USP5: variants seen among roughly 807,000 people sequenced by gnomAD.
The protein encoded by USP5 is ubiquitin carboxyl-terminal hydrolase 5.
In USP5, 24 loss-of-function variants were observed where a neutral mutation model predicts 102.5. That is an observed-to-expected ratio of 0.23 (90% CI 0.17 to 0.33). USP5 has a LOEUF of 0.33. USP5 is among the 10% of genes least tolerant of loss of function. USP5 has a pLI of 1.00. For missense variants in USP5, 753 were observed against 1,122.1 expected (o/e 0.67, Z 4.70); for synonymous variants, 460 against 434.8 (o/e 1.06, Z -0.72).
Position 6,858,962 on chromosome 12 carries a change from T to C in USP5, c.1058+345T>C, listed in dbSNP as rs782099266. The C allele has an allele frequency of 2.8e-5, 7 of 252,930 alleles. No individual in the cohort carries two copies. The South Asian group carries it at 3.8e-4, about 14-fold the overall frequency. The allele number at this position is 252,930 out of a possible 1,614,324, so 15.7% of individuals were successfully genotyped here. A position where few individuals can be genotyped will look rare whatever the true frequency, so the allele number is the denominator to read the frequency against. ...CACCCCAACACACAAACCCCACTGA[T>C]AGTGCAGAGTGCCAAGTCCCAGGGC... is the stretch of plus-strand genomic sequence containing the variant. On this transcript the variant is annotated intron_variant, in intron 8 of 19. Coordinates refer to ENST00000229268, the MANE Select transcript of USP5 (RefSeq NM_001098536.2). This position sits in a 1 kb window ranked among gnomAD's most constrained non-coding sequence, Gnocchi z 4.2.
At position 6,860,804 on chromosome 12, in the gene USP5, G is replaced by T; in HGVS notation, c.1345-149G>T. On this transcript the variant is annotated intron_variant, in intron 11 of 19. Coordinates refer to ENST00000229268, the MANE Select transcript of USP5 (RefSeq NM_001098536.2). The surrounding 1 kb of genome is among the most constrained non-coding windows in gnomAD (Gnocchi z 5.5). ...ATGGGGCCAGAAATGGGGAGGGGTTGGTGAATTAGGGAAGGTTTCTGCTCT... is the reference window on the plus strand; with the variant it reads ...ATGGGGCCAGAAATGGGGAGGGGTTTGTGAATTAGGGAAGGTTTCTGCTCT... 8.3e-7 allele frequency: 1 copy of T among 1,204,846 alleles called. No homozygotes were observed. Among genetic ancestry groups the T allele is most frequent in the Non-Finnish European group, 1.2e-6 (1 of 852,706 alleles). The allele number at this position is 1,204,846 out of a possible 1,614,324, so 74.6% of individuals were successfully genotyped here. A position where few individuals can be genotyped will look rare whatever the true frequency, so the allele number is the denominator to read the frequency against.
In USP5 at chr12:6,862,700, T is replaced by G. The variant is rs188171672; in HGVS notation, c.1762+142T>G. 56 of 690,608 alleles carry G rather than the reference T, an allele frequency of 8.1e-5. No homozygotes were observed. In the East Asian group the frequency reaches 1.5e-3, roughly 18 times the overall value. 42.8% of individuals were successfully genotyped at this position (690,608 alleles called of 1,614,324 possible). A position where few individuals can be genotyped will look rare whatever the true frequency, so the allele number is the denominator to read the frequency against. On this transcript the variant is annotated intron_variant, in intron 14 of 19. Coordinates refer to ENST00000229268, the MANE Select transcript of USP5 (RefSeq NM_001098536.2). ...TCAATGTTTCAAAATTTATCTAGTTTGAAAGCACTAACTAAAAATATTAAA... is the reference window on the plus strand; with the variant it reads ...TCAATGTTTCAAAATTTATCTAGTTGGAAAGCACTAACTAAAAATATTAAA...
At chr12:6,859,324 G>A (rs782006550) in intron 8 of USP5, 146 bp from the exon 9 acceptor site, 1 of 744,508 alleles carries the variant, frequency 1.3e-6, no homozygotes, top group African/African-American at 1.7e-5. Flanking sequence ...GCAGGTTGCT[G>A]GAGAGAAGCG....
rs782566344 is a variant in USP5 at position 6,864,684 on chromosome 12, G to C, written c.2245-38G>C. On this transcript the variant is annotated intron_variant, in intron 17 of 19. Coordinates refer to ENST00000229268, the MANE Select transcript of USP5 (RefSeq NM_001098536.2). The surrounding 1 kb of genome is among the most constrained non-coding windows in gnomAD (Gnocchi z 4.8). ...AGCCTGGGCGACAGAGCAAGACTCC[G>C]TCTCAAGAAAAAAAGTAATGCTTCC... The C allele has an allele frequency of 6.3e-7, 1 of 1,583,864 alleles. No homozygotes were observed. Among genetic ancestry groups the C allele is most frequent in the African/African-American group, 1.3e-5 (1 of 74,696 alleles).
intron 1 of USP5, among the ~76,000 whole-genome samples, chr12:6,853,614 C>T (rs1555127535): frequency 1.3e-5 from 2 of 152,218 alleles, no homozygotes; most frequent in African/African-American, 2.4e-5. Flanking sequence ...CCTCTTTACA[C>T]TTTTATTCAC....
chr12:6,862,746 G>A (rs1555129843), intron 14 of USP5, among the ~76,000 whole-genome samples, 188 bp downstream of exon 14: 1 of 152,090 alleles, frequency 6.6e-6, no homozygotes, highest in Non-Finnish European at 1.5e-5. Context: ...GATTGTTATA[G>A]GTATGATTTA....
intron 1 of USP5, among the ~76,000 whole-genome samples, chr12:6,854,837 G>A (rs1312361631): frequency 1.3e-5 from 2 of 152,058 alleles, no homozygotes; most frequent in Non-Finnish European, 2.9e-5. Flanking sequence ...TTCAAGTGCT[G>A]GAATCTCTGC....
At position 6,861,242 on chromosome 12, in the gene USP5, G is replaced by A; in HGVS notation, c.1498+136G>A. The A allele has an allele frequency of 5.5e-6, 8 of 1,449,828 alleles. No individual in the cohort carries two copies. Among genetic ancestry groups the A allele is most frequent in the Non-Finnish European group, 5.6e-6 (6 of 1,078,912 alleles). The allele number at this position is 1,449,828 out of a possible 1,614,324, so 89.8% of individuals were successfully genotyped here. ...AAGGTTCCAGTCTGGGCCACCAGGA[G>A]TAGGTAGATTAACCTCGTCCAGTGG... is the stretch of plus-strand genomic sequence containing the variant. On this transcript the variant is annotated intron_variant, in intron 12 of 19. Transcript: ENST00000229268. The surrounding 1 kb of genome is among the most constrained non-coding windows in gnomAD (Gnocchi z 4.9).
intron 6 of USP5, 144 bp from the exon 7 acceptor site, chr12:6,857,485 T>G (rs2138045388): frequency 1.5e-6 from 1 of 651,772 alleles, no homozygotes; most frequent in East Asian, 2.6e-5. Context: ...CGCACTCATA[T>G]TACTCATATT....
intron 6 of USP5, chr12:6,857,278 A>G (rs781952541): frequency 8.6e-5 from 28 of 326,260 alleles, no homozygotes; most frequent in Non-Finnish European, 1.5e-4. Context: ...CCTGGGCTAC[A>G]GAGACCCTGT....
chr12:6,853,655 A>G (rs1259898008), intron 1 of USP5, among the ~76,000 whole-genome samples: 1 of 152,240 alleles, frequency 6.6e-6, no homozygotes, highest in African/African-American at 2.4e-5. Context: ...ACTGCTTTGA[A>G]TAATCCAAAA....
rs146230726 is a variant in USP5 at position 6,863,933 on chromosome 12, G to A, written c.2058G>A (p.Glu686=). ...ACTACACGGGCAACAGCGGGGCTGAGGCCGCCATGAACTGGGTCATGTCAC... is the reference window on the plus strand; with the variant it reads ...ACTACACGGGCAACAGCGGGGCTGAAGCCGCCATGAACTGGGTCATGTCAC... ...AVYYTGNSGA[E]AAMNWVMSHM... The change falls in exon 16 of 20, where the codon GAG becomes GAA. Residue 686 remains glutamate, a synonymous_variant. Coordinates refer to ENST00000229268, the MANE Select transcript of USP5 (RefSeq NM_001098536.2). This position sits in a 1 kb window ranked among gnomAD's most constrained non-coding sequence, Gnocchi z 4.7. 4.4e-4 allele frequency: 714 copies of A among 1,609,002 alleles called. No individual in the cohort carries two copies. Among genetic ancestry groups the A allele is most frequent in the Non-Finnish European group, 5.3e-4 (624 of 1,176,664 alleles).
Position 6,863,405 on chromosome 12 carries a change from C to G in USP5, c.1954+28C>G. The G allele has an allele frequency of 6.2e-7, 1 of 1,601,552 alleles. No individual in the cohort carries two copies. Among genetic ancestry groups the G allele is most frequent in the Non-Finnish European group, 8.5e-7 (1 of 1,172,066 alleles). ...TAGTGACTCTTCTTCCTGCCTGTCT[C>G]TCTCCCGTGCTGATGGGGGCCTCTC... On this transcript the variant is annotated intron_variant, in intron 15 of 19. Coordinates refer to ENST00000229268, the MANE Select transcript of USP5 (RefSeq NM_001098536.2). This position sits in a 1 kb window ranked among gnomAD's most constrained non-coding sequence, Gnocchi z 4.7.
rs1690969222 is a variant in USP5 at position 6,864,752 on chromosome 12, A to C, written c.2275A>C (p.Ile759Leu). 1 of 1,612,502 alleles carries C rather than the reference A, an allele frequency of 6.2e-7. No individual in the cohort carries two copies. The highest frequency in any genetic ancestry group is 1.3e-5 in the African/African-American group (1 of 74,924). Residue 759 changes from isoleucine to leucine, a missense_variant, in exon 18 of 20, where the codon ATC becomes CTC. Around this residue, in one of 3 missense-constraint regions of USP5, gnomAD observed 193 missense variants for 230.2 expected, o/e 0.84. Transcript: ENST00000229268. The surrounding 1 kb of genome is among the most constrained non-coding windows in gnomAD (Gnocchi z 4.8). ...NNSLERAVDW[I>L]FSHIDDLDAE... The stretch of plus-strand genomic sequence containing the variant: ...TAGTTTAGAACGGGCTGTGGACTGG[A>C]TCTTCAGTCACATTGACGACCTGGA...
In USP5 at chr12:6,866,422, A is replaced by G. The variant is rs1591613570; in HGVS notation, c.*345A>G. On this transcript the variant is annotated 3_prime_UTR_variant, in exon 20 of 20. Coordinates refer to ENST00000229268, the MANE Select transcript of USP5 (RefSeq NM_001098536.2). This position sits in a 1 kb window ranked among gnomAD's most constrained non-coding sequence, Gnocchi z 4.7. ...GGGTCTCGTTTGTGCGCGTGGGTGT[A>G]GCTTTGTGCATCCTCTCCCAGTGGA... is the stretch of plus-strand genomic sequence containing the variant. The G allele has an allele frequency of 1.1e-5, 3 of 260,882 alleles. No individual in the cohort carries two copies. In the East Asian group the frequency reaches 2.3e-4, roughly 20 times the overall value. The allele number at this position is 260,882 out of a possible 1,614,324, so 16.2% of individuals were successfully genotyped here. A position where few individuals can be genotyped will look rare whatever the true frequency, so the allele number is the denominator to read the frequency against.
At chr12:6,857,782 C>T (rs782634896) in intron 7 of USP5, 59 bp downstream of exon 7, 43 of 1,564,634 alleles carry the variant, frequency 2.7e-5, no homozygotes, top group Non-Finnish European at 3.5e-5. Context: ...GGCCCTTCCT[C>T]TTTGCCTGAG....
Position 6,866,455 on chromosome 12 carries a change from C to T in USP5, c.*378C>T. On this transcript the variant is annotated 3_prime_UTR_variant, in exon 20 of 20. Transcript: ENST00000229268. This position sits in a 1 kb window ranked among gnomAD's most constrained non-coding sequence, Gnocchi z 4.7. ...GCATCCTCTCCCAGTGGAGCGATCA[C>T]CTGTGCCTCCCCTCCCCCTTTGTTT... is the stretch of plus-strand genomic sequence containing the variant. 1 of 203,354 alleles carries T rather than the reference C, an allele frequency of 4.9e-6. No homozygotes were observed. The highest frequency in any genetic ancestry group is 1.0e-5 in the Non-Finnish European group (1 of 97,918). The allele number at this position is 203,354 out of a possible 1,614,324, so 12.6% of individuals were successfully genotyped here. A position where few individuals can be genotyped will look rare whatever the true frequency, so the allele number is the denominator to read the frequency against.
rs1555128368 is a variant in USP5 at position 6,856,603 on chromosome 12, GA to G, written c.585-103del. ...ACATGGGGATGGCCAGAGGAGAAGAGAGAGAGACCTTGGATTGGCGGGGGGC... is the reference window on the plus strand; with the variant it reads ...ACATGGGGATGGCCAGAGGAGAAGAGGAGAGACCTTGGATTGGCGGGGGGC... On this transcript the variant is annotated intron_variant, in intron 5 of 19. Transcript: ENST00000229268. This position sits in a 1 kb window ranked among gnomAD's most constrained non-coding sequence, Gnocchi z 5.6. The G allele has an allele frequency of 6.0e-5, 93 of 1,560,058 alleles. No homozygotes were observed. In the African/African-American group the frequency reaches 1.2e-3, roughly 19 times the overall value.
In USP5 at chr12:6,856,070, G is replaced by A. The variant is rs782514195; in HGVS notation, c.358G>A (p.Val120Met). The change falls in exon 4 of 20, where the codon GTG becomes ATG. Residue 120 changes from valine to methionine, a missense_variant. Around this residue, in one of 3 missense-constraint regions of USP5, gnomAD observed 527 missense variants for 816.5 expected, o/e 0.65. Coordinates refer to ENST00000229268, the MANE Select transcript of USP5 (RefSeq NM_001098536.2). The surrounding 1 kb of genome is among the most constrained non-coding windows in gnomAD (Gnocchi z 5.6). The part of the protein sequence containing the change: ...SEEKFELDED[V>M]KIVILPDYLE... ...GGAGAAGTTTGAATTAGACGAGGATGTGAAGATTGTCATTTTGCCAGATTA... is the reference window on the plus strand; with the variant it reads ...GGAGAAGTTTGAATTAGACGAGGATATGAAGATTGTCATTTTGCCAGATTA... 6.2e-7 allele frequency: 1 copy of A among 1,614,200 alleles called. No homozygotes were observed. The highest frequency in any genetic ancestry group is 1.1e-5 in the South Asian group (1 of 91,080).
Sources: allele counts gnomAD v4.1 joint callset (sites outside exome capture counted in the v4.1 genomes callset), GRCh38; gene constraint gnomAD v4.1.1; regional missense constraint gnomAD v4.1.1; non-coding constraint Gnocchi (gnomAD v3.1); transcripts MANE v1.5; gene names NCBI Gene and HGNC (gene_info 2026-07-23, HGNC 2026-07-21).